DENND2B: variants seen among roughly 807,000 people sequenced by gnomAD.
DENND2B encodes the protein DENN domain containing 2B, also known as DENN domain-containing protein 2B.
In DENND2B, 32 loss-of-function variants were observed where a neutral mutation model predicts 116.0. The observed-to-expected ratio is 0.28, with a 90% CI of 0.21 to 0.37. DENND2B has a LOEUF of 0.37. DENND2B is among the 10% of genes least tolerant of loss of function. The pLI, the probability that DENND2B is intolerant of heterozygous loss-of-function variation, is 1.00. For synonymous variants in DENND2B, 588 were observed against 583.9 expected (o/e 1.01, Z -0.10); for missense variants, 1,276 against 1,477.7 (o/e 0.86, Z 2.24).
In DENND2B at chr11:8,731,153, G is replaced by A. The variant is rs749647115; in HGVS notation, c.137C>T (p.Pro46Leu). 43 of 1,560,534 alleles carry A rather than the reference G, an allele frequency of 2.8e-5. No homozygotes were observed. Among genetic ancestry groups the A allele is most frequent in the African/African-American group, 1.1e-4 (8 of 73,470 alleles). Reference protein sequence around the residue: ...VLSPPRSPIYPLSDSETSACR... With the variant: ...VLSPPRSPIYLLSDSETSACR... The stretch of plus-strand genomic sequence containing the variant: ...GGCTGAGGTTTCACTATCACTGAGC[G>A]GGTAGATGGGACTCCTTGGTGGGGA... Residue 46 changes from proline (P) to leucine (L), a missense_variant, in exon 3 of 20, where the codon CCG becomes CTG. This residue lies in a region of DENND2B where 856 missense variants were observed against 846.6 expected (regional missense o/e 1.01). Transcript: ENST00000313726.
chr11:8,706,368 G>C (rs1423168744), intron 13 of DENND2B, among the ~76,000 whole-genome samples: 3 of 152,112 alleles, frequency 2.0e-5, no homozygotes, highest in East Asian at 1.9e-4. Context: ...TTGGGTTCTT[G>C]CCTGCCAACC....
chr11:8,746,740 C>G (rs765130837), intron 2 of DENND2B, among the ~76,000 whole-genome samples: 1 of 152,182 alleles, frequency 6.6e-6, no homozygotes, highest in Non-Finnish European at 1.5e-5. Context: ...ATGAAAAGCC[C>G]TGCAAACCAG....
intron 3 of DENND2B, among the ~76,000 whole-genome samples, chr11:8,842,212 T>C (rs924055447): frequency 3.9e-5 from 6 of 152,234 alleles, no homozygotes; most frequent in African/African-American, 1.2e-4. Flanking sequence ...AAAGATAGGC[T>C]TTTTAGAGAC....
upstream of DENND2B, among the ~76,000 whole-genome samples, chr11:8,873,028 C>A (rs1362245835): frequency 2.6e-5 from 4 of 152,134 alleles, no homozygotes; most frequent in African/African-American, 7.2e-5. Context: ...CTGCCCCAAA[C>A]GTGGAACAAG....
chr11:8,907,122 C>G (rs1589897481), intron 1 of DENND2B, among the ~76,000 whole-genome samples: 1 of 152,220 alleles, frequency 6.6e-6, no homozygotes, highest in Middle Eastern at 3.2e-3. Flanking sequence ...AACGCATCTC[C>G]TCCAAAACAT....
intron 2 of DENND2B, among the ~76,000 whole-genome samples, chr11:8,864,420 G>A (rs897193382): frequency 5.9e-5 from 9 of 151,934 alleles, no homozygotes; most frequent in Non-Finnish European, 1.0e-4. Context: ...GACACGCACC[G>A]CCACGCTCGG....
Position 8,730,646 on chromosome 11 carries a change from C to A in DENND2B, c.644G>T (p.Ser215Ile), listed in dbSNP as rs1565760810. ...CTTGAAATCAAAGGTCTTTTCAGAG[C>A]TGCAGGGGGACGGCACCACGCTGGG... ...GCPSVVPSPC[S>I]SEKTFDFKGL... Residue 215 changes from serine (S) to isoleucine (I), a missense_variant, in exon 3 of 20, where the codon AGC becomes ATC. Transcript: ENST00000313726. The surrounding 1 kb of genome is among the most constrained non-coding windows in gnomAD (Gnocchi z 4.1). 6.2e-7 allele frequency: 1 copy of A among 1,612,818 alleles called. No individual in the cohort carries two copies. The highest frequency in any genetic ancestry group is 1.7e-5 in the Admixed American group (1 of 60,004).
intron 2 of DENND2B, among the ~76,000 whole-genome samples, chr11:8,740,677 C>G (rs1442672204): frequency 2.0e-5 from 3 of 152,132 alleles, no homozygotes; most frequent in Non-Finnish European, 2.9e-5. Context: ...ATACAGGGCT[C>G]AGTGTCCAAA....
intron 2 of DENND2B, among the ~76,000 whole-genome samples, chr11:8,865,985 A>T (rs148674730): frequency 6.6e-6 from 1 of 151,644 alleles, no homozygotes; most frequent in South Asian, 2.1e-4. Flanking sequence ...TTTGAGACGG[A>T]GTCTCGCTCT....
chr11:8,762,763 G>C (rs1307113819), intron 1 of DENND2B, among the ~76,000 whole-genome samples: 1 of 152,216 alleles, frequency 6.6e-6, no homozygotes, highest in Non-Finnish European at 1.5e-5. Context: ...GGGAGGCTGA[G>C]GCAGGAGAAT....
intron 1 of DENND2B, chr11:8,809,393 T>G (rs1224033849): frequency 6.6e-6 from 1 of 152,228 alleles, no homozygotes; most frequent in Non-Finnish European, 1.5e-5. Context: ...AGCTGTTCCC[T>G]CATCCCACAG....
intron 3 of DENND2B, among the ~76,000 whole-genome samples, chr11:8,848,080 A>C (rs560519002): frequency 6.6e-6 from 1 of 152,256 alleles, no homozygotes; most frequent in Non-Finnish European, 1.5e-5. Flanking sequence ...AAAACTCAGC[A>C]GGCTGAGAAG....
At position 8,696,778 on chromosome 11, in the gene DENND2B, C is replaced by G. The variant is rs1440677860; in HGVS notation, c.3053-112G>C. ...AACAAGACTTCCAGCCAGTACCACTCTTCTGTTCTGGAAGCTCTTTTTGAG... is the reference window on the plus strand; with the variant it reads ...AACAAGACTTCCAGCCAGTACCACTGTTCTGTTCTGGAAGCTCTTTTTGAG... On this transcript the variant is annotated intron_variant, in intron 17 of 19. Coordinates refer to ENST00000313726, the MANE Select transcript of DENND2B (RefSeq NM_213618.2). The G allele has an allele frequency of 4.7e-6, 7 of 1,481,584 alleles. No homozygotes were observed. In the East Asian group the frequency reaches 1.4e-4, roughly 29 times the overall value. The allele number at this position is 1,481,584 out of a possible 1,614,324, so 91.8% of individuals were successfully genotyped here.
chr11:8,708,799 A>G (rs995799820), intron 11 of DENND2B, among the ~76,000 whole-genome samples: 1 of 152,156 alleles, frequency 6.6e-6, no homozygotes, highest in Non-Finnish European at 1.5e-5. Context: ...TAAAAATACA[A>G]AATTAGCCGG....
At chr11:8,868,081 CAT>C (rs1425081453) in intron 2 of DENND2B, among the ~76,000 whole-genome samples, 1 of 152,188 alleles carries the variant, frequency 6.6e-6, no homozygotes, top group African/African-American at 2.4e-5. Flanking sequence ...CATTGATCCA[CAT>C]ACACATTCCA....
chr11:8,816,346 G>A (rs1425611698), intron 4 of DENND2B, among the ~76,000 whole-genome samples: 6 of 152,164 alleles, frequency 3.9e-5, no homozygotes, highest in African/African-American at 1.4e-4. Context: ...AGGAGTTCAA[G>A]ACTAGCCTGG....
chr11:8,753,273 T>C (rs2052890040), intron 1 of DENND2B, among the ~76,000 whole-genome samples: 1 of 152,122 alleles, frequency 6.6e-6, no homozygotes, highest in Non-Finnish European at 1.5e-5. Context: ...TTCTATATAC[T>C]AACAACGAAC....
intron 2 of DENND2B, among the ~76,000 whole-genome samples, chr11:8,863,903 T>C (rs1024160047): frequency 6.6e-6 from 1 of 152,020 alleles, no homozygotes; most frequent in African/African-American, 2.4e-5. Context: ...GCCTTTTGGG[T>C]CTAAGTACTT....
At chr11:8,780,858 G>T (rs1282702227) in intron 1 of DENND2B, among the ~76,000 whole-genome samples, 1 of 152,154 alleles carries the variant, frequency 6.6e-6, no homozygotes, top group African/African-American at 2.4e-5. Context: ...AGCAGCAAGT[G>T]CAGGATGAGA....
Sources: allele counts gnomAD v4.1 joint callset (sites outside exome capture counted in the v4.1 genomes callset), GRCh38; gene constraint gnomAD v4.1.1; regional missense constraint gnomAD v4.1.1; non-coding constraint Gnocchi (gnomAD v3.1); transcripts MANE v1.5; gene names NCBI Gene and HGNC (gene_info 2026-07-23, HGNC 2026-07-21).